The following CNTN5 variants were observed in gnomAD, a reference collection of about 807,000 sequenced individuals.
CNTN5 encodes the protein contactin 5.
CNTN5 carries 77 observed loss-of-function variants against 129.1 expected under a neutral mutation model. That is an observed-to-expected ratio of 0.60 (90% confidence interval 0.50 to 0.72). The LOEUF is 0.72. CNTN5 is among the 30% of genes least tolerant of loss of function. The pLI is 0.00. For synonymous variants in CNTN5, 509 were observed against 465.6 expected (o/e 1.09, Z -1.20); for missense variants, 1,478 against 1,328.8 (o/e 1.11, Z -1.75).
chr11:99,330,159 AG>A (rs1431014306), intron 2 of CNTN5, among the ~76,000 whole-genome samples: 2 of 140,106 alleles, frequency 1.4e-5, no homozygotes, highest in Non-Finnish European at 3.1e-5. Context: ...AAAGAAAGGA[AG>A]GAAGGGAGGG....
chr11:100,221,568 G>A (rs542394088), intron 15 of CNTN5, among the ~76,000 whole-genome samples: 4 of 152,240 alleles, frequency 2.6e-5, no homozygotes, highest in African/African-American at 9.6e-5. Flanking sequence ...CTAATGAAAC[G>A]ATCTGACCAA....
chr11:99,628,611 G>GAC (rs10607009), intron 3 of CNTN5, among the ~76,000 whole-genome samples: 12,141 of 146,832 alleles, frequency 0.083, 577 homozygotes, highest in East Asian at 0.2. Context: ...GCTAAATAAT[G>GAC]ACACACACAC....
chr11:99,532,498 G>C (rs1947749180), intron 2 of CNTN5, among the ~76,000 whole-genome samples: 1 of 152,052 alleles, frequency 6.6e-6, no homozygotes, highest in Admixed American at 6.5e-5. Context: ...AGATTTGGAG[G>C]GGCCAGGGCA....
chr11:99,118,783 ACTGGCATGTAAC>A (rs1479085700), intron 1 of CNTN5, among the ~76,000 whole-genome samples: 1 of 151,950 alleles, frequency 6.6e-6, no homozygotes, highest in East Asian at 1.9e-4. Flanking sequence ...AGTTTGAATC[ACTGGCATGTAAC>A]CTAAATTTCC....
chr11:99,144,800 G>A (rs1859698106), intron 1 of CNTN5, among the ~76,000 whole-genome samples: 1 of 151,374 alleles, frequency 6.6e-6, no homozygotes, highest in South Asian at 2.1e-4. Flanking sequence ...TTCTCATTCA[G>A]ATCATGATTG....
At chr11:99,023,119 A>G (rs1472629113) in intron 1 of CNTN5, among the ~76,000 whole-genome samples, 1 of 152,200 alleles carries the variant, frequency 6.6e-6, no homozygotes, top group Admixed American at 6.5e-5. Flanking sequence ...AATGTTTCTC[A>G]AGGTGAGCAG....
chr11:99,919,661 A>C (rs893517819), intron 7 of CNTN5, among the ~76,000 whole-genome samples: 4 of 152,074 alleles, frequency 2.6e-5, no homozygotes, highest in Non-Finnish European at 5.9e-5. Flanking sequence ...GTTTTGGTAC[A>C]TTTATATAAT....
chr11:100,297,359 C>A (rs576913083), intron 18 of CNTN5, among the ~76,000 whole-genome samples: 1 of 151,426 alleles, frequency 6.6e-6, no homozygotes, highest in African/African-American at 2.4e-5. Flanking sequence ...ATTAGATGTT[C>A]TTAGCTATAG....
chr11:99,213,253 A>T (rs1473217783), intron 1 of CNTN5, among the ~76,000 whole-genome samples: 2 of 146,300 alleles, frequency 1.4e-5, no homozygotes, highest in African/African-American at 2.5e-5. Context: ...ATGTATACAT[A>T]TATACATATA....
rs117502702 is a variant in CNTN5, at chr11:100,209,553, A to T, written c.1885-15139A>T. On this transcript the variant is annotated intron_variant, in intron 15 of 24. Coordinates refer to ENST00000524871, the MANE Select transcript of CNTN5 (RefSeq NM_014361.4). ...CAGCAACAGTTAGAAATTAACAGGG[A>T]AACATTAATTTCTAATGAAAACATA... Among the ~76,000 whole-genome samples the T allele has an allele frequency of 1.6e-3, 237 of 152,346 alleles. 2 individuals are homozygous for T. In the East Asian group the frequency reaches 0.03, roughly 19 times the overall value.
chr11:99,774,602 G>T (rs1945058360), intron 3 of CNTN5, among the ~76,000 whole-genome samples: 1 of 151,918 alleles, frequency 6.6e-6, no homozygotes, highest in African/African-American at 2.4e-5. Context: ...TCTTCCAAGG[G>T]CCTGAGGTCC....
chr11:99,589,059 G>A (rs1352054997), intron 3 of CNTN5, among the ~76,000 whole-genome samples: 8 of 152,170 alleles, frequency 5.3e-5, no homozygotes, highest in African/African-American at 9.7e-5. Context: ...AGAAAATGGC[G>A]TTGATGGAAC....
intron 15 of CNTN5, among the ~76,000 whole-genome samples, chr11:100,215,464 A>G (rs1440931924): frequency 6.6e-6 from 1 of 152,190 alleles, no homozygotes; most frequent in African/African-American, 2.4e-5. Context: ...TTTGTACAAC[A>G]CTGCATACAA....
intron 3 of CNTN5, among the ~76,000 whole-genome samples, chr11:99,767,831 G>T (rs1218222944): frequency 6.6e-6 from 1 of 151,968 alleles, no homozygotes; most frequent in Admixed American, 6.6e-5. Context: ...ATAATAAAAT[G>T]AATAATTTCT....
intron 3 of CNTN5, among the ~76,000 whole-genome samples, chr11:99,762,934 T>C (rs892281342): frequency 1.8e-4 from 27 of 152,140 alleles, no homozygotes; most frequent in African/African-American, 5.8e-4. Context: ...AAAAGCTTCA[T>C]GCATTCCCCA....
chr11:99,813,859 G>A (rs1175227649), intron 3 of CNTN5, among the ~76,000 whole-genome samples: 1 of 152,058 alleles, frequency 6.6e-6, no homozygotes, highest in Non-Finnish European at 1.5e-5. Flanking sequence ...CAATATCTTG[G>A]TAATTTTTAT....
chr11:99,209,006 TTAA>T (rs1423211914), intron 1 of CNTN5, among the ~76,000 whole-genome samples: 2 of 152,120 alleles, frequency 1.3e-5, no homozygotes, highest in South Asian at 2.1e-4. Context: ...AAAATATATT[TTAA>T]TAATGTTGCA....
At chr11:99,180,563 T>G (rs578262050) in intron 1 of CNTN5, among the ~76,000 whole-genome samples, 10 of 152,318 alleles carry the variant, frequency 6.6e-5, no homozygotes, top group Admixed American at 3.9e-4. Context: ...AATAGAGATT[T>G]CTCTGAAACA....
At chr11:99,189,391 CTT>C (rs1249350775) in intron 1 of CNTN5, among the ~76,000 whole-genome samples, 5 of 151,436 alleles carry the variant, frequency 3.3e-5, no homozygotes, top group Non-Finnish European at 7.4e-5. Flanking sequence ...TGATTTATCT[CTT>C]TTAAAAATGA....
Sources: gnomAD v4.1 joint callset for allele counts (sites outside exome capture counted in the v4.1 genomes callset) on GRCh38, gnomAD v4.1.1 for gene constraint, MANE v1.5 for transcripts, NCBI Gene and HGNC (gene_info 2026-07-23, HGNC 2026-07-21) for gene names.